Variants in MREG observed in about 807,000 individuals in gnomAD.
MREG encodes the protein melanoregulin.
A neutral mutation model predicts 28.5 loss-of-function variants in MREG; 31 were observed. The ratio of observed to expected loss-of-function variants is 1.09; its 90% confidence interval spans 0.82 to 1.47. The LOEUF is 1.47. Ranked by LOEUF, MREG falls within the 40% of genes most tolerant of loss-of-function variation. MREG has a pLI of 0.00. For synonymous variants in MREG, 106 were observed against 95.2 expected (o/e 1.11, Z -0.66); for missense variants, 256 against 257.4 (o/e 0.99, Z 0.04).
At chr2:215,969,932 C>T (rs900268892) in intron 2 of MREG, among the ~76,000 whole-genome samples, 1 of 152,158 alleles carries the variant, frequency 6.6e-6, no homozygotes, top group Non-Finnish European at 1.5e-5. Flanking sequence ...GTTTTCTACT[C>T]ATTTAGTTAG....
chr2:215,957,886 G>A (rs1559176513), intron 2 of MREG, among the ~76,000 whole-genome samples: 1 of 152,098 alleles, frequency 6.6e-6, no homozygotes, highest in African/African-American at 2.4e-5. Context: ...ACTGGATTAA[G>A]AAAATGTGGC....
chr2:215,964,270 G>A (rs769637308), intron 2 of MREG, among the ~76,000 whole-genome samples: 10 of 152,232 alleles, frequency 6.6e-5, no homozygotes, highest in Admixed American at 3.3e-4. Context: ...GATCACTAGA[G>A]GTCAAGAGTT....
chr2:216,014,658 A>AAT (rs1553556620), upstream of MREG, among the ~76,000 whole-genome samples: 118 of 137,224 alleles, frequency 8.6e-4, no homozygotes, highest in Admixed American at 1.0e-3. Flanking sequence ...CAAAAAAAAA[A>AAT]AAATAAAATT....
upstream of MREG, among the ~76,000 whole-genome samples, chr2:216,033,361 C>T (rs1237343930): frequency 6.6e-6 from 1 of 152,098 alleles, no homozygotes; most frequent in Admixed American, 6.6e-5. Context: ...ACAAATTCCT[C>T]CGCTGTCTCA....
At chr2:215,954,421 C>A (rs1030677087) in intron 2 of MREG, among the ~76,000 whole-genome samples, 7 of 140,410 alleles carry the variant, frequency 5.0e-5, no homozygotes, top group African/African-American at 1.8e-4. Context: ...CTAAAATGAT[C>A]CTTATTGTAT....
intron 2 of MREG, among the ~76,000 whole-genome samples, chr2:215,992,995 T>A (rs1055777169): frequency 1.6e-4 from 25 of 152,324 alleles, no homozygotes; most frequent in Middle Eastern, 3.4e-3. Flanking sequence ...CTGCCCAAAG[T>A]AATTTATAGA....
intron 2 of MREG, among the ~76,000 whole-genome samples, chr2:215,950,782 A>G (rs143719059): frequency 6.6e-6 from 1 of 152,196 alleles, no homozygotes; most frequent in South Asian, 2.1e-4. Context: ...ATGTGACTCC[A>G]AAGAATTGGA....
rs1182265067 is a variant in MREG, at chr2:215,979,923, G to A, written c.255+16383C>T. Among the ~76,000 whole-genome samples the A allele has an allele frequency of 2.0e-5, 3 of 148,238 alleles. No individual in the cohort carries two copies. The East Asian group carries it at 5.9e-4, about 29-fold the overall frequency. On this transcript the variant is annotated intron_variant, in intron 2 of 4. Coordinates refer to ENST00000263268, the MANE Select transcript of MREG (RefSeq NM_018000.3). ...ATAAAAGCTTTGAGGCAGCTTTATG[G>A]TTTCAGTTTCCTTTCAGGCCCTGTT...
At chr2:216,018,909 C>A (rs1694483389) in intron 1 of MREG, among the ~76,000 whole-genome samples, 1 of 152,012 alleles carries the variant, frequency 6.6e-6, no homozygotes, top group Admixed American at 6.5e-5. Context: ...GACATGTGAC[C>A]AAGAAATTGA....
At chr2:216,005,616 A>G (rs188064039) in intron 1 of MREG, among the ~76,000 whole-genome samples, 141 of 151,628 alleles carry the variant, frequency 9.3e-4, no homozygotes, top group Non-Finnish European at 1.5e-3. Context: ...ACACCAAGCT[A>G]ATTTTTTTGT....
At chr2:215,941,146 G>A (rs189796525), downstream of MREG, among the ~76,000 whole-genome samples, 2,943 of 152,164 alleles carry the variant, frequency 0.019, 177 homozygotes, top group East Asian at 0.19. Flanking sequence ...CAACATTCCC[G>A]CTTCCACATG....
downstream of MREG, chr2:215,939,383 C>T (rs1001887803): frequency 3.3e-5 from 5 of 152,074 alleles, no homozygotes; most frequent in African/African-American, 9.7e-5. Flanking sequence ...CAAGTGTTGC[C>T]CCAAATTCTT....
chr2:215,963,288 C>T (rs181417751), intron 2 of MREG, among the ~76,000 whole-genome samples: 21 of 151,016 alleles, frequency 1.4e-4, no homozygotes, highest in Non-Finnish European at 2.5e-4. Context: ...GTGAAAACCC[C>T]GCCTCTACCA....
chr2:215,959,997 A>C (rs112589138), intron 2 of MREG, among the ~76,000 whole-genome samples: 7,791 of 150,450 alleles, frequency 0.052, 372 homozygotes, highest in African/African-American at 0.13. Flanking sequence ...GCTCTGTCGC[A>C]CAGGCTGGAG....
chr2:216,011,869 A>T (rs1007902978), intron 1 of MREG, among the ~76,000 whole-genome samples: 1 of 152,234 alleles, frequency 6.6e-6, no homozygotes, highest in South Asian at 2.1e-4. Context: ...TAACCTAAGC[A>T]TAAAATTCTA....
chr2:216,013,948 T>A (rs1694386308), upstream of MREG, among the ~76,000 whole-genome samples: 1 of 152,130 alleles, frequency 6.6e-6, no homozygotes, highest in Non-Finnish European at 1.5e-5. Flanking sequence ...TTTACAATGA[T>A]TTGAAAAATT....
At chr2:215,999,088 T>C (rs1434968274) in intron 1 of MREG, among the ~76,000 whole-genome samples, 2 of 152,050 alleles carry the variant, frequency 1.3e-5, no homozygotes, top group East Asian at 3.9e-4. Context: ...GCCAAAGCAG[T>C]ATATGGAGGC....
intron 1 of MREG, among the ~76,000 whole-genome samples, chr2:216,029,448 G>A (rs1000671144): frequency 4.2e-5 from 6 of 141,208 alleles, no homozygotes; most frequent in South Asian, 2.3e-4. Context: ...ACTGCACTCC[G>A]CCTGGCGAGA....
chr2:216,013,639 G>C (rs914991354), upstream of MREG: 2 of 152,866 alleles, frequency 1.3e-5, no homozygotes, highest in African/African-American at 4.8e-5. Context: ...GCCCTCTAAG[G>C]GTGAAGCAGG....
Sources: gnomAD v4.1 joint callset for allele counts (sites outside exome capture counted in the v4.1 genomes callset) on GRCh38, gnomAD v4.1.1 for gene constraint, MANE v1.5 for transcripts, NCBI Gene and HGNC (gene_info 2026-07-23, HGNC 2026-07-21) for gene names.